Variants in GLRA3 observed in about 807,000 individuals in gnomAD.
GLRA3 encodes glycine receptor alpha 3, also known as glycine receptor subunit alpha-3.
GLRA3 carries 44 observed loss-of-function variants against 60.4 expected under a neutral mutation model. That is an observed-to-expected ratio of 0.73 (90% CI 0.57 to 0.94). The LOEUF (loss-of-function observed/expected upper bound fraction) is 0.94, where lower values mean the gene tolerates loss of function less well. GLRA3 is among the 40% of genes least tolerant of loss of function. GLRA3 has a pLI of 0.00. For synonymous variants in GLRA3, 223 were observed against 192.9 expected (o/e 1.16, Z -1.29); for missense variants, 508 against 564.6 (o/e 0.90, Z 1.02).
chr4:174,798,282 G>A (rs918546274), intron 1 of GLRA3, among the ~76,000 whole-genome samples: 3 of 152,256 alleles, frequency 2.0e-5, no homozygotes, highest in African/African-American at 7.2e-5. Flanking sequence ...CACTACCTCC[G>A]TGGGCCAGTC....
intron 1 of GLRA3, among the ~76,000 whole-genome samples, chr4:174,817,139 C>A (rs1436264481): frequency 6.6e-6 from 1 of 152,204 alleles, no homozygotes; most frequent in African/African-American, 2.4e-5. Context: ...TTTACAACTT[C>A]TTGGCCAGAA....
chr4:174,747,838 T>G (rs1737313367), intron 3 of GLRA3, among the ~76,000 whole-genome samples: 1 of 135,434 alleles, frequency 7.4e-6, no homozygotes, highest in African/African-American at 2.7e-5. Flanking sequence ...ATTAGACTAC[T>G]GTGTCAGTGT....
chr4:174,668,824 A>T (rs1733786325), intron 7 of GLRA3, among the ~76,000 whole-genome samples: 1 of 152,146 alleles, frequency 6.6e-6, no homozygotes, highest in Admixed American at 6.5e-5. Context: ...CTTGCTTTTT[A>T]TTTGAGAAAA....
intron 6 of GLRA3, among the ~76,000 whole-genome samples, chr4:174,681,862 A>G (rs1363516487): frequency 1.3e-5 from 2 of 152,144 alleles, no homozygotes; most frequent in Non-Finnish European, 2.9e-5. Flanking sequence ...TTGTGTTGAG[A>G]TGTTAAACTT....
At chr4:174,750,900 A>G (rs1737447382) in intron 3 of GLRA3, among the ~76,000 whole-genome samples, 1 of 152,114 alleles carries the variant, frequency 6.6e-6, no homozygotes, top group Non-Finnish European at 1.5e-5. Context: ...AGCTTTACTG[A>G]TAGATGAATT....
chr4:174,758,023 T>TC (rs35572419), intron 3 of GLRA3, among the ~76,000 whole-genome samples: 144,097 of 151,912 alleles, frequency 0.95, 68,791 homozygotes, highest in East Asian at 1. Flanking sequence ...TCCCTCTCTC[T>TC]TTTCCTGTAC....
chr4:174,675,473 G>A (rs1019749176), intron 7 of GLRA3, among the ~76,000 whole-genome samples: 1 of 152,084 alleles, frequency 6.6e-6, no homozygotes, highest in Admixed American at 6.6e-5. Context: ...CCTTGTAGAA[G>A]CCATAGATTC....
intron 1 of GLRA3, among the ~76,000 whole-genome samples, chr4:174,815,108 C>G (rs1337441525): frequency 6.6e-6 from 1 of 152,126 alleles, no homozygotes; most frequent in Non-Finnish European, 1.5e-5. Flanking sequence ...AGAAATTGAG[C>G]AAAACAAAAA....
chr4:174,776,848 G>T (rs548076120), intron 2 of GLRA3, among the ~76,000 whole-genome samples: 3 of 152,234 alleles, frequency 2.0e-5, no homozygotes, highest in South Asian at 4.1e-4. Context: ...CCACAACTTC[G>T]CATTCAAGGA....
At chr4:174,744,820 A>C (rs1737173797) in intron 3 of GLRA3, among the ~76,000 whole-genome samples, 1 of 152,220 alleles carries the variant, frequency 6.6e-6, no homozygotes, top group Admixed American at 6.5e-5. Flanking sequence ...GAAATTAACA[A>C]AATTATGAAA....
chr4:174,783,886 T>C (rs1241983244), intron 2 of GLRA3, among the ~76,000 whole-genome samples: 1 of 152,052 alleles, frequency 6.6e-6, no homozygotes, highest in Non-Finnish European at 1.5e-5. Flanking sequence ...TGTAAACTAG[T>C]TCAACCATTG....
rs1739940486 is a variant in GLRA3 at position 174,804,224 on chromosome 4, A to G, written c.72-15281T>C. Among the ~76,000 whole-genome samples, 4 of 152,278 alleles carry G rather than the reference A, an allele frequency of 2.6e-5. No homozygotes were observed. In the South Asian group the frequency reaches 8.3e-4, roughly 32 times the overall value. ...CAGGAAAATGTTGAACAGACAGGTA[A>G]AAAGAGAAAGTTTCCTAGAACCTGT... On this transcript the variant is annotated intron_variant, in intron 1 of 9. Coordinates refer to ENST00000274093, the MANE Select transcript of GLRA3 (RefSeq NM_006529.4).
intron 4 of GLRA3, among the ~76,000 whole-genome samples, chr4:174,726,569 T>C (rs1452036379): frequency 6.6e-6 from 1 of 152,230 alleles, no homozygotes; most frequent in Non-Finnish European, 1.5e-5. Flanking sequence ...TGTCTGTACC[T>C]GCTGATGTTG....
chr4:174,728,472 C>T lies in GLRA3; in HGVS notation c.491+3G>A, dbSNP rs2111132552. 6.7e-7 allele frequency: 1 copy of T among 1,489,500 alleles called. No homozygotes were observed. Among genetic ancestry groups the T allele is most frequent in the Non-Finnish European group, 9.4e-7 (1 of 1,068,278 alleles). 92.3% of individuals were successfully genotyped at this position (1,489,500 alleles called of 1,614,324 possible). A position where few individuals can be genotyped will look rare whatever the true frequency, so the allele number is the denominator to read the frequency against. ...AAATCGGCAATTTAAGTCCACGACT[C>T]ACCTTATTGAATAAAGAACATTTCC... On this transcript the variant is annotated splice_donor_region_variant and intron_variant, in intron 4 of 9. Coordinates refer to ENST00000274093, the MANE Select transcript of GLRA3 (RefSeq NM_006529.4).
chr4:174,662,091 C>T (rs1003937863), intron 7 of GLRA3, among the ~76,000 whole-genome samples: 18 of 152,070 alleles, frequency 1.2e-4, no homozygotes, highest in African/African-American at 3.9e-4. Flanking sequence ...TATTAGTTTC[C>T]GCTCTTATTG....
Position 174,766,970 on chromosome 4 carries a change from G to A in GLRA3, c.260C>T (p.Thr87Met), listed in dbSNP as rs200648761. 133 of 1,568,190 alleles carry A rather than the reference G, an allele frequency of 8.5e-5. No homozygotes were observed. Among genetic ancestry groups the A allele is most frequent in the Non-Finnish European group, 1.2e-4 (132 of 1,142,802 alleles). Reference sequence around the variant, plus strand: ...GCAAAGTAAAATGCCTACCATGGTCGTCTCTGCGATAGAGCCAAAGCTGTT... The same window carrying A: ...GCAAAGTAAAATGCCTACCATGGTCATCTCTGCGATAGAGCCAAAGCTGTT... Reference protein sequence around the residue: ...FINSFGSIAETTMDYRVNIFL... With the variant: ...FINSFGSIAEMTMDYRVNIFL... The change falls in exon 3 of 10, where the codon ACG becomes ATG. Residue 87 changes from threonine to methionine, a missense_variant. Physicochemically the swap from Thr to Met is moderately conservative, Grantham distance 81. This residue lies in a region of GLRA3 where 329 missense variants were observed against 349.3 expected (regional missense o/e 0.94). Transcript: ENST00000274093.
intron 7 of GLRA3, among the ~76,000 whole-genome samples, chr4:174,669,989 C>T (rs777040510): frequency 2.0e-5 from 3 of 152,088 alleles, no homozygotes; most frequent in Non-Finnish European, 4.4e-5. Flanking sequence ...AAAGTACAAC[C>T]AAAAAGACTA....
intron 1 of GLRA3, among the ~76,000 whole-genome samples, chr4:174,817,530 C>A (rs1035079510): frequency 6.6e-6 from 1 of 152,176 alleles, no homozygotes; most frequent in Non-Finnish European, 1.5e-5. Flanking sequence ...TATTTACTTT[C>A]TTGCCGTTCA....
intron 1 of GLRA3, among the ~76,000 whole-genome samples, chr4:174,821,560 T>C (rs1740740124): frequency 6.6e-6 from 1 of 152,056 alleles, no homozygotes. Flanking sequence ...AATAAATATA[T>C]AGAGAGAGTA....
Sources: allele counts gnomAD v4.1 joint callset (sites outside exome capture counted in the v4.1 genomes callset), GRCh38; gene constraint gnomAD v4.1.1; regional missense constraint gnomAD v4.1.1; transcripts MANE v1.5; gene names NCBI Gene and HGNC (gene_info 2026-07-23, HGNC 2026-07-21).